The following MAN2A1 variants were observed in gnomAD, a reference collection of about 807,000 sequenced individuals.
MAN2A1 encodes alpha-mannosidase 2.
A neutral mutation model predicts 142.6 loss-of-function variants in MAN2A1; 76 were observed. That is an observed-to-expected ratio of 0.53 (90% confidence interval 0.44 to 0.65). MAN2A1 has a LOEUF of 0.65. MAN2A1 is among the 30% of genes least tolerant of loss of function. MAN2A1 has a pLI of 0.00. For synonymous variants in MAN2A1, 559 were observed against 473.2 expected, an observed-to-expected ratio of 1.18 and a Z score of -2.35; for missense variants, 1,311 against 1,365.1, an observed-to-expected ratio of 0.96 and a Z score of 0.62.
At chr5:109,834,553 A>G (rs1245668414) in intron 16 of MAN2A1, among the ~76,000 whole-genome samples, 1 of 152,214 alleles carries the variant, frequency 6.6e-6, no homozygotes, top group African/African-American at 2.4e-5. Context: ...TCATATGATC[A>G]AAATGCCATA....
At chr5:109,858,812 A>G (rs1755687152) in intron 20 of MAN2A1, among the ~76,000 whole-genome samples, 1 of 152,236 alleles carries the variant, frequency 6.6e-6, no homozygotes, top group Non-Finnish European at 1.5e-5. Context: ...AGGTTTCTCA[A>G]TTCTAAACCT....
chr5:109,839,231 T>C (rs1452195266), intron 16 of MAN2A1, among the ~76,000 whole-genome samples: 1 of 152,246 alleles, frequency 6.6e-6, no homozygotes, highest in Non-Finnish European at 1.5e-5. Context: ...TTATCTTTTG[T>C]TATTAAAATT....
chr5:109,734,411 A>C, intron 4 of MAN2A1, among the ~76,000 whole-genome samples: 1 of 150,688 alleles, frequency 6.6e-6, no homozygotes, highest in Non-Finnish European at 1.5e-5. Flanking sequence ...GCCTTCTGCT[A>C]GCTTTTGAAT....
At chr5:109,790,021 GA>G (rs1157474021) in intron 12 of MAN2A1, among the ~76,000 whole-genome samples, 1 of 151,848 alleles carries the variant, frequency 6.6e-6, no homozygotes, top group African/African-American at 2.4e-5. Flanking sequence ...AAGTAAATGG[GA>G]AGGGTGTTCA....
chr5:109,833,885 A>G (rs761699266), intron 16 of MAN2A1, among the ~76,000 whole-genome samples: 2 of 152,220 alleles, frequency 1.3e-5, no homozygotes, highest in African/African-American at 2.4e-5. Context: ...GGTGAAAGCA[A>G]GCAATTGGAA....
intron 12 of MAN2A1, among the ~76,000 whole-genome samples, chr5:109,794,514 G>A (rs997790301): frequency 6.6e-6 from 1 of 152,046 alleles, no homozygotes; most frequent in Non-Finnish European, 1.5e-5. Context: ...TTATCCTAAA[G>A]AATTCAAGGC....
At chr5:109,767,808 T>A in intron 6 of MAN2A1, 100 bp downstream of exon 6, 2 of 981,390 alleles carry the variant, frequency 2.0e-6, no homozygotes, top group Non-Finnish European at 1.5e-6. Flanking sequence ...CTGTCAGTCT[T>A]GAAAAATCAG....
Position 109,866,916 on chromosome 5 carries a change from A to C in MAN2A1, c.3353A>C (p.His1118Pro). The change falls in exon 22 of 22, where the codon CAT becomes CCT. Residue 1118 changes from histidine (H) to proline (P), a missense_variant. His to Pro is a moderately conservative substitution (Grantham distance 77, BLOSUM62 -2). Coordinates refer to ENST00000261483, the MANE Select transcript of MAN2A1 (RefSeq NM_002372.4). ...SLTPSSLSLMHSPPGTQNISE... is the reference protein window; with the variant it reads ...SLTPSSLSLMPSPPGTQNISE... ...ACACCTTCATCACTATCCTTGATGCATTCACCTCCCGGCACTCAGAATATA... is the reference window on the plus strand; with the variant it reads ...ACACCTTCATCACTATCCTTGATGCCTTCACCTCCCGGCACTCAGAATATA... 4 of 1,612,966 alleles carry C rather than the reference A, an allele frequency of 2.5e-6. No individual in the cohort carries two copies. The highest frequency in any genetic ancestry group is 1.7e-6 in the Non-Finnish European group (2 of 1,179,180).
intron 20 of MAN2A1, chr5:109,863,553 T>C (rs1157033428): frequency 2.0e-5 from 3 of 152,192 alleles, no homozygotes; most frequent in African/African-American, 7.2e-5. Context: ...ACTTACATAG[T>C]ATTTTCAACA....
At chr5:109,806,856 C>G (rs1754179194) in intron 12 of MAN2A1, among the ~76,000 whole-genome samples, 2 of 152,060 alleles carry the variant, frequency 1.3e-5, no homozygotes, top group South Asian at 4.1e-4. Context: ...ACAAATGGCT[C>G]TCCATGGGAT....
chr5:109,865,405 A>C, intron 21 of MAN2A1: 1 of 417,164 alleles, frequency 2.4e-6, no homozygotes, highest in Non-Finnish European at 4.4e-6. Context: ...TAGGCCTTCT[A>C]TTTCCAGCCT....
At chr5:109,709,976 G>A (rs1751250025) in intron 1 of MAN2A1, among the ~76,000 whole-genome samples, 1 of 152,102 alleles carries the variant, frequency 6.6e-6, no homozygotes, top group Non-Finnish European at 1.5e-5. Flanking sequence ...ATCCTTTTAA[G>A]GTCATTCCAC....
chr5:109,721,482 C>T (rs1056855787), intron 3 of MAN2A1, among the ~76,000 whole-genome samples: 4 of 151,818 alleles, frequency 2.6e-5, no homozygotes, highest in Admixed American at 2.0e-4. Flanking sequence ...TTTGTGTGTC[C>T]CAAATATCAC....
At chr5:109,745,179 G>A (rs1170220677) in intron 4 of MAN2A1, among the ~76,000 whole-genome samples, 2 of 152,080 alleles carry the variant, frequency 1.3e-5, no homozygotes, top group Non-Finnish European at 2.9e-5. Flanking sequence ...TATTATTTTG[G>A]ATAGTGATTA....
intron 10 of MAN2A1, among the ~76,000 whole-genome samples, chr5:109,785,679 G>A (rs1438455670): frequency 6.6e-6 from 1 of 151,968 alleles, no homozygotes; most frequent in Non-Finnish European, 1.5e-5. Flanking sequence ...CTATCCTCAC[G>A]CCAGCCTTTG....
chr5:109,698,520 T>C (rs1195175060), intron 1 of MAN2A1, among the ~76,000 whole-genome samples: 1 of 151,564 alleles, frequency 6.6e-6, no homozygotes, highest in African/African-American at 2.4e-5. Context: ...TTAAGGTTAG[T>C]GTTAAGTAGA....
chr5:109,833,627 C>G (rs2112745956), intron 16 of MAN2A1, among the ~76,000 whole-genome samples: 1 of 149,872 alleles, frequency 6.7e-6, no homozygotes, highest in East Asian at 2.0e-4. Context: ...GCACTACAGT[C>G]CGGCCTCTGC....
intron 1 of MAN2A1, among the ~76,000 whole-genome samples, chr5:109,702,766 AAGT>A (rs1316230501): frequency 6.6e-6 from 1 of 152,184 alleles, no homozygotes; most frequent in East Asian, 1.9e-4. Context: ...TGATATTTAG[AAGT>A]TTGCTATTAA....
chr5:109,853,289 C>T (rs191053402), intron 19 of MAN2A1, among the ~76,000 whole-genome samples: 7 of 152,116 alleles, frequency 4.6e-5, no homozygotes, highest in African/African-American at 1.7e-4. Context: ...ATGAAATTCA[C>T]CTGGGGAGGC....
Sources: gnomAD v4.1 joint callset for allele counts (sites outside exome capture counted in the v4.1 genomes callset) on GRCh38, gnomAD v4.1.1 for gene constraint, MANE v1.5 for transcripts, NCBI Gene and HGNC (gene_info 2026-07-23, HGNC 2026-07-21) for gene names.